CEP164: variants seen among roughly 807,000 people sequenced by gnomAD.
CEP164 encodes the protein centrosomal protein of 164 kDa.
CEP164 carries 162 observed loss-of-function variants against 182.7 expected under a neutral mutation model. The ratio of observed to expected loss-of-function variants is 0.89; its 90% confidence interval spans 0.78 to 1.01. CEP164 has a LOEUF of 1.01. Ranked by LOEUF, CEP164 falls within the 50% of genes least tolerant of loss-of-function variation. CEP164 has a pLI of 0.00. For missense variants in CEP164, 1,735 were observed against 1,790.4 expected, an observed-to-expected ratio of 0.97 and a Z score of 0.56; for synonymous variants, 661 against 690.0, an observed-to-expected ratio of 0.96 and a Z score of 0.66.
chr11:117,348,006 G>A (rs775609525), intron 4 of CEP164, among the ~76,000 whole-genome samples: 1 of 152,064 alleles, frequency 6.6e-6, no homozygotes, highest in African/African-American at 2.4e-5. Context: ...GTCTTGCTCT[G>A]TCGCCCAGGC....
chr11:117,406,820 G>A (rs2136826457), intron 27 of CEP164, among the ~76,000 whole-genome samples: 1 of 152,322 alleles, frequency 6.6e-6, no homozygotes, highest in South Asian at 2.1e-4. Context: ...GCTCAGCCAG[G>A]CGCAGTGGTT....
Position 117,380,614 on chromosome 11 carries a change from G to T in CEP164, c.1318G>T (p.Ala440Ser). Residue 440 changes from alanine (A) to serine (S), a missense_variant and splice_region_variant, in exon 12 of 33, where the codon GCC becomes TCC. Ala to Ser is a moderately conservative substitution (Grantham distance 99). Transcript: ENST00000278935. The stretch of plus-strand genomic sequence containing the variant: ...ACTTTTTATTGCTTCTCTCCTACAG[G>T]CCCAGCAACCACTGGGAATAGAAGA... ...SPVLGGACRQ[A>S]QQPLGIEDKD... The T allele has an allele frequency of 6.3e-7, 1 of 1,596,352 alleles. No individual in the cohort carries two copies. The highest frequency in any genetic ancestry group is 8.5e-7 in the Non-Finnish European group (1 of 1,170,912).
At chr11:117,398,383 G>A (rs1013302308) in intron 27 of CEP164, among the ~76,000 whole-genome samples, 6 of 152,212 alleles carry the variant, frequency 3.9e-5, no homozygotes, top group Non-Finnish European at 8.8e-5. Flanking sequence ...CATAGTGCAA[G>A]CTATTGACGG....
intron 25 of CEP164, 118 bp downstream of exon 25, chr11:117,396,298 T>C: frequency 8.3e-7 from 1 of 1,201,568 alleles, no homozygotes; most frequent in Admixed American, 1.9e-5. Context: ...GGGTGGAGCC[T>C]CAGGAGGGGA....
At chr11:117,322,698 G>A (rs993460460) in intron 1 of CEP164, among the ~76,000 whole-genome samples, 21 of 149,544 alleles carry the variant, frequency 1.4e-4, no homozygotes, top group African/African-American at 5.2e-4. Context: ...TGAGATTATA[G>A]GCATGTGTCA....
chr11:117,364,946 A>G (rs937577701), intron 8 of CEP164, among the ~76,000 whole-genome samples: 2 of 152,200 alleles, frequency 1.3e-5, no homozygotes, highest in Non-Finnish European at 2.9e-5. Flanking sequence ...TTTATTATCA[A>G]GCTGATATAG....
chr11:117,392,219 TC>T lies in CEP164; in HGVS notation c.2284-3del. 1 of 1,589,782 alleles carries T rather than the reference TC, an allele frequency of 6.3e-7. No homozygotes were observed. Among genetic ancestry groups the T allele is most frequent in the South Asian group, 1.1e-5 (1 of 87,476 alleles). On this transcript the variant is annotated splice_polypyrimidine_tract_variant and splice_region_variant and intron_variant, in intron 17 of 32. Transcript: ENST00000278935. ...GCTTCACTCACAGTCCCTTTGCTCC[TC>T]CCCAGGCTGTGGCAACGCTGGAGAA...
upstream of CEP164, chr11:117,323,947 G>T (rs577086871): frequency 4.1e-4 from 127 of 308,346 alleles, no homozygotes; most frequent in East Asian, 2.1e-3. Flanking sequence ...CGGTTATTTG[G>T]TTTTTTTTCT....
intron 27 of CEP164, among the ~76,000 whole-genome samples, chr11:117,399,900 G>A (rs2045942621): frequency 6.6e-6 from 1 of 152,114 alleles, no homozygotes. Context: ...TTTGTCAGAT[G>A]GGTAGATTGC....
At chr11:117,396,376 T>C (rs2045463683) in intron 25 of CEP164, among the ~76,000 whole-genome samples, 174 bp from the exon 26 acceptor site, 1 of 152,160 alleles carries the variant, frequency 6.6e-6, no homozygotes, top group African/African-American at 2.4e-5. Flanking sequence ...GGTCTGTTCT[T>C]ATTCCCAGCT....
intron 5 of CEP164, among the ~76,000 whole-genome samples, chr11:117,353,436 G>T (rs1360079261): frequency 6.6e-6 from 1 of 152,196 alleles, no homozygotes; most frequent in African/African-American, 2.4e-5. Context: ...GCTTTTCATG[G>T]ACCCAGGATT....
At position 117,347,658 on chromosome 11, in the gene CEP164, C is replaced by T. The variant is rs1392681327; in HGVS notation, c.194+3381C>T. On this transcript the variant is annotated intron_variant, in intron 4 of 32. Coordinates refer to ENST00000278935, the MANE Select transcript of CEP164 (RefSeq NM_014956.5). ...ACGGGAGGTGGAGGTTGCAGTGAGCCGAGATCGTGCCATTGCACTCCAGCC... is the reference window on the plus strand; with the variant it reads ...ACGGGAGGTGGAGGTTGCAGTGAGCTGAGATCGTGCCATTGCACTCCAGCC... Among the ~76,000 whole-genome samples, 6 of 150,430 alleles carry T rather than the reference C, an allele frequency of 4.0e-5. No individual in the cohort carries two copies. The East Asian group carries it at 9.8e-4, about 25-fold the overall frequency.
chr11:117,396,683 AG>A (rs1219793539), intron 26 of CEP164, 72 bp downstream of exon 26: 5 of 1,165,214 alleles, frequency 4.3e-6, no homozygotes, highest in Non-Finnish European at 3.9e-6. Context: ...TGCATCATAG[AG>A]CTGGGGTGAG....
At chr11:117,344,373 C>G (rs997937713) in intron 4 of CEP164, 96 bp downstream of exon 4, 2 of 789,352 alleles carry the variant, frequency 2.5e-6, no homozygotes, top group Admixed American at 2.2e-5. Flanking sequence ...CTTTTCCAAG[C>G]CTATCCTGTA....
intron 10 of CEP164, among the ~76,000 whole-genome samples, chr11:117,375,382 T>C (rs375831278): frequency 4.6e-5 from 7 of 152,158 alleles, no homozygotes; most frequent in Admixed American, 2.6e-4. Flanking sequence ...GAAAGAGTTT[T>C]AGTCTCACAG....
At chr11:117,376,721 C>G (rs377251753) in intron 11 of CEP164, among the ~76,000 whole-genome samples, 6 of 152,304 alleles carry the variant, frequency 3.9e-5, no homozygotes, top group African/African-American at 9.6e-5. Flanking sequence ...GCTGATAAAA[C>G]CTTTCTGGGC....
rs182521062 is a variant in CEP164 at position 117,399,107 on chromosome 11, G to A, written c.3501+1794G>A. Among the ~76,000 whole-genome samples the A allele has an allele frequency of 9.9e-4, 150 of 152,172 alleles. 1 individual carries two copies. The East Asian group carries it at 0.021, about 21-fold the overall frequency. ...CCCAACAACCGGTCATCTGCATTAGGTATTTCTCCTAATGCTATCCCTCCC... is the reference window on the plus strand; with the variant it reads ...CCCAACAACCGGTCATCTGCATTAGATATTTCTCCTAATGCTATCCCTCCC... On this transcript the variant is annotated intron_variant, in intron 27 of 32. Coordinates refer to ENST00000278935, the MANE Select transcript of CEP164 (RefSeq NM_014956.5).
chr11:117,391,701 T>C (rs898472489), intron 17 of CEP164, among the ~76,000 whole-genome samples: 1 of 152,116 alleles, frequency 6.6e-6, no homozygotes, highest in Non-Finnish European at 1.5e-5. Context: ...TAGCAAGGAT[T>C]TTCTCTTTGT....
upstream of CEP164, among the ~76,000 whole-genome samples, chr11:117,327,107 A>G (rs572632034): frequency 6.6e-6 from 1 of 152,216 alleles, no homozygotes; most frequent in Non-Finnish European, 1.5e-5. Context: ...TACTATCCCC[A>G]TCTTGCAGAC....
Sources: allele counts gnomAD v4.1 joint callset (sites outside exome capture counted in the v4.1 genomes callset), GRCh38; gene constraint gnomAD v4.1.1; transcripts MANE v1.5; gene names NCBI Gene and HGNC (gene_info 2026-07-23, HGNC 2026-07-21).